EPB41L4A: variants seen among roughly 807,000 people sequenced by gnomAD.
EPB41L4A encodes the protein band 4.1-like protein 4A.
EPB41L4A carries 100 observed loss-of-function variants against 108.6 expected under a neutral mutation model. The ratio of observed to expected loss-of-function variants is 0.92; its 90% CI spans 0.78 to 1.09. EPB41L4A has a LOEUF of 1.09. Ranked by LOEUF, EPB41L4A falls within the 50% of genes least tolerant of loss-of-function variation. The pLI is 0.00. For synonymous variants in EPB41L4A, 319 were observed against 289.0 expected, an observed-to-expected ratio of 1.10 and a Z score of -1.05; for missense variants, 1,030 against 842.7, an observed-to-expected ratio of 1.22 and a Z score of -2.75.
At chr5:112,303,248 G>A (rs537679251) in intron 2 of EPB41L4A, among the ~76,000 whole-genome samples, 34 of 152,286 alleles carry the variant, frequency 2.2e-4, no homozygotes, top group Non-Finnish European at 4.9e-4. Flanking sequence ...AGGAAGAGGG[G>A]CCACTACTGA....
At chr5:112,365,736 TC>T (rs980418418) in intron 1 of EPB41L4A, among the ~76,000 whole-genome samples, 1 of 152,170 alleles carries the variant, frequency 6.6e-6, no homozygotes, top group African/African-American at 2.4e-5. Context: ...TCATCACATT[TC>T]CTTAACCTCC....
chr5:112,259,032 G>A (rs1041693307), intron 9 of EPB41L4A, among the ~76,000 whole-genome samples, 197 bp downstream of exon 9: 3 of 152,058 alleles, frequency 2.0e-5, no homozygotes, highest in African/African-American at 7.2e-5. Flanking sequence ...AATCTAAAAT[G>A]CCCATTTCTC....
chr5:112,234,941 C>T (rs1195215515), intron 11 of EPB41L4A, among the ~76,000 whole-genome samples, 186 bp from the exon 12 acceptor site: 3 of 151,962 alleles, frequency 2.0e-5, no homozygotes, highest in African/African-American at 7.3e-5. Context: ...AGGAGATTTA[C>T]ATTAGATAGA....
intron 9 of EPB41L4A, among the ~76,000 whole-genome samples, chr5:112,243,088 CCTG>C (rs1749918491): frequency 6.6e-6 from 1 of 152,014 alleles, no homozygotes; most frequent in Non-Finnish European, 1.5e-5. Context: ...GTGGCAGGCG[CCTG>C]TAATCCCAGC....
chr5:112,168,107 A>G (rs866313380), intron 22 of EPB41L4A, among the ~76,000 whole-genome samples: 1 of 152,214 alleles, frequency 6.6e-6, no homozygotes, highest in Middle Eastern at 3.2e-3. Context: ...TAACTGTCTT[A>G]TTCAGCCCAC....
chr5:112,394,922 G>A (rs1248347675), intron 1 of EPB41L4A, among the ~76,000 whole-genome samples: 2 of 152,032 alleles, frequency 1.3e-5, no homozygotes, highest in Non-Finnish European at 2.9e-5. Flanking sequence ...ACAGAACAGA[G>A]CCCTCAGAAA....
chr5:112,206,373 A>G (rs1580431239), intron 13 of EPB41L4A, among the ~76,000 whole-genome samples: 1 of 152,262 alleles, frequency 6.6e-6, no homozygotes, highest in East Asian at 1.9e-4. Flanking sequence ...TTAAAAAAAA[A>G]AAAAGACTTG....
intron 15 of EPB41L4A, among the ~76,000 whole-genome samples, chr5:112,203,585 C>T (rs1329798807): frequency 2.0e-5 from 3 of 152,156 alleles, no homozygotes; most frequent in Non-Finnish European, 4.4e-5. Context: ...TAAGCATACA[C>T]ACACAAATAT....
chr5:112,317,574 G>A (rs1010821903), intron 1 of EPB41L4A, among the ~76,000 whole-genome samples: 2 of 152,176 alleles, frequency 1.3e-5, no homozygotes, highest in African/African-American at 2.4e-5. Flanking sequence ...TATTCCTAAT[G>A]TTATTAGTTT....
chr5:112,279,106 G>A (rs1254558010), intron 3 of EPB41L4A, among the ~76,000 whole-genome samples: 2 of 150,028 alleles, frequency 1.3e-5, no homozygotes, highest in African/African-American at 4.9e-5. Context: ...AAATTTTTCT[G>A]GTTTTCCAAC....
intron 1 of EPB41L4A, among the ~76,000 whole-genome samples, chr5:112,376,359 T>A (rs867616685): frequency 6.6e-5 from 10 of 152,184 alleles, no homozygotes; most frequent in African/African-American, 1.7e-4. Flanking sequence ...TGGCTAAAAA[T>A]TTTTTTAAAT....
At chr5:112,372,008 A>G (rs1377076799) in intron 1 of EPB41L4A, among the ~76,000 whole-genome samples, 1 of 152,200 alleles carries the variant, frequency 6.6e-6, no homozygotes, top group Non-Finnish European at 1.5e-5. Context: ...TAGGCAACAA[A>G]GCAAGACCCT....
At chr5:112,241,657 G>T (rs370525951) in intron 9 of EPB41L4A, among the ~76,000 whole-genome samples, 2 of 152,176 alleles carry the variant, frequency 1.3e-5, no homozygotes, top group Non-Finnish European at 2.9e-5. Context: ...GTATATGGGA[G>T]AATGTGTGTA....
intron 17 of EPB41L4A, among the ~76,000 whole-genome samples, chr5:112,186,119 T>A (rs1193161771): frequency 6.6e-6 from 1 of 152,192 alleles, no homozygotes; most frequent in Non-Finnish European, 1.5e-5. Context: ...CTGGAGTCTT[T>A]TAGGATGCAG....
In EPB41L4A at chr5:112,204,375, C is replaced by T. The variant is rs373770147; in HGVS notation, c.1376G>A (p.Arg459Lys). 1.6e-4 allele frequency: 254 copies of T among 1,603,142 alleles called. No homozygotes were observed. Among genetic ancestry groups the T allele is most frequent in the Admixed American group, 4.7e-4 (28 of 59,974 alleles). Residue 459 changes from arginine to lysine, a missense_variant and splice_region_variant, in exon 15 of 23, where the codon AGG becomes AAG. Arg to Lys is a conservative substitution (Grantham distance 26, BLOSUM62 2). Transcript: ENST00000261486. Reference protein sequence around the residue: ...DNDSVQPVRRRKAHNSGEDSD... With the variant: ...DNDSVQPVRRKKAHNSGEDSD... ...AACAGAGAGATTGTGTTCCGCTTACCTCCTCCTCACAGGCTGTACAGAATC... is the reference window on the plus strand; with the variant it reads ...AACAGAGAGATTGTGTTCCGCTTACTTCCTCCTCACAGGCTGTACAGAATC...
intron 9 of EPB41L4A, among the ~76,000 whole-genome samples, chr5:112,244,309 AT>A (rs1164490183): frequency 2.6e-5 from 4 of 152,214 alleles, no homozygotes; most frequent in Admixed American, 6.5e-5. Flanking sequence ...GGCACCCCAA[AT>A]CAATTGCAAC....
intron 12 of EPB41L4A, among the ~76,000 whole-genome samples, chr5:112,222,046 AAC>A (rs1748090510): frequency 1.3e-5 from 2 of 152,226 alleles, no homozygotes; most frequent in Non-Finnish European, 2.9e-5. Flanking sequence ...CCTTGCAATT[AAC>A]AGTTACTGCC....
intron 12 of EPB41L4A, among the ~76,000 whole-genome samples, chr5:112,217,096 C>A (rs1460894286): frequency 6.6e-6 from 1 of 151,996 alleles, no homozygotes; most frequent in Non-Finnish European, 1.5e-5. Flanking sequence ...AGGCACCCAC[C>A]ATCATGCCCA....
intron 22 of EPB41L4A, among the ~76,000 whole-genome samples, chr5:112,167,999 C>T (rs767497374): frequency 3.2e-4 from 49 of 152,300 alleles, no homozygotes; most frequent in Admixed American, 4.6e-4. Flanking sequence ...CACTGAAAAC[C>T]ACAACACGAC....
Sources: allele counts gnomAD v4.1 joint callset (sites outside exome capture counted in the v4.1 genomes callset), GRCh38; gene constraint gnomAD v4.1.1; transcripts MANE v1.5; gene names NCBI Gene and HGNC (gene_info 2026-07-23, HGNC 2026-07-21).